Variants in NAF1 observed in about 807,000 individuals in gnomAD.
NAF1 encodes the protein nuclear assembly factor 1 ribonucleoprotein.
Under a neutral mutation model 40.6 loss-of-function variants are expected in NAF1, and 11 were observed. The observed-to-expected ratio is 0.27, with a 90% CI of 0.17 to 0.45. The LOEUF is 0.45. Among genes scored for constraint, NAF1 ranks in the 20% least tolerant of loss-of-function variants. The probability of loss-of-function intolerance (pLI) is 1.00; values close to 1 mark genes in which losing one functional copy is unlikely to be tolerated. For synonymous variants in NAF1, 260 were observed against 228.5 expected (o/e 1.14, Z -1.24); for missense variants, 607 against 611.1 (o/e 0.99, Z 0.07).
intron 6 of NAF1, 129 bp from the exon 7 acceptor site, chr4:163,133,385 T>C (rs1730943823): frequency 8.1e-6 from 5 of 614,564 alleles, no homozygotes; most frequent in Non-Finnish European, 1.4e-5. Context: ...TTTTTGATAC[T>C]TAATATTTTC....
At position 163,156,465 on chromosome 4, in the gene NAF1, T is replaced by G. The variant is rs189517576; in HGVS notation, c.540+7752A>C. 2.2e-3 allele frequency among the ~76,000 whole-genome samples: 337 copies of G among 151,452 alleles called. 1 individual carries two copies. The highest frequency in any genetic ancestry group is 6.2e-3 in the African/African-American group (255 of 41,400). ...AGTAGATAGGAAAGACTTTTTGTTT[T>G]GTTTACTCAATATTAGATACAAATT... On this transcript the variant is annotated intron_variant, in intron 2 of 7. Coordinates refer to ENST00000274054, the MANE Select transcript of NAF1 (RefSeq NM_138386.3).
At chr4:163,112,407 T>C (rs1318837637) in intron 2 of NAF1, among the ~76,000 whole-genome samples, 1 of 152,142 alleles carries the variant, frequency 6.6e-6, no homozygotes, top group Non-Finnish European at 1.5e-5. Flanking sequence ...GAAATTGGAA[T>C]ACTGAACATG....
chr4:163,118,391 C>A (rs943048195), intron 2 of NAF1, among the ~76,000 whole-genome samples: 8 of 152,196 alleles, frequency 5.3e-5, no homozygotes, highest in African/African-American at 1.9e-4. Flanking sequence ...AATATTATGA[C>A]AAGTAGAGCA....
chr4:163,153,671 T>C (rs1042776796), intron 2 of NAF1, among the ~76,000 whole-genome samples: 1 of 152,030 alleles, frequency 6.6e-6, no homozygotes, highest in African/African-American at 2.4e-5. Flanking sequence ...TGGAGAACCT[T>C]TGTATCTAGC....
downstream of NAF1, among the ~76,000 whole-genome samples, chr4:163,122,602 T>C (rs938688701): frequency 2.6e-5 from 4 of 152,250 alleles, no homozygotes; most frequent in African/African-American, 9.6e-5. Flanking sequence ...AGAAGTATCC[T>C]ACTATAGTTT....
rs1452590403 is a variant in NAF1, at chr4:163,133,225, T to C, written c.962A>G (p.Lys321Arg). The change falls in exon 7 of 8, where the codon AAG becomes AGG. Residue 321 changes from lysine to arginine, a missense_variant. By Grantham distance (26) the Lys-to-Arg change is conservative. Coordinates refer to ENST00000274054, the MANE Select transcript of NAF1 (RefSeq NM_138386.3). ...ALDFSDDEKE[K>R]EAKQRKKSQI... ...AGATTTTTTCCTCTGTTTGGCTTCCTTCTCTTTTTCATCATCACTAAAATC... is the reference window on the plus strand; with the variant it reads ...AGATTTTTTCCTCTGTTTGGCTTCCCTCTCTTTTTCATCATCACTAAAATC... The C allele has an allele frequency of 1.2e-6, 2 of 1,613,764 alleles. No homozygotes were observed. Among genetic ancestry groups the C allele is most frequent in the Non-Finnish European group, 8.5e-7 (1 of 1,179,848 alleles).
At position 163,120,124 on chromosome 4, in the gene NAF1, G is replaced by C. The variant is rs199716211; in HGVS notation, c.115-9834C>G. Among the ~76,000 whole-genome samples, 10 of 152,322 alleles carry C rather than the reference G, an allele frequency of 6.6e-5. No individual in the cohort carries two copies. The East Asian group carries it at 1.3e-3, about 21-fold the overall frequency. On this transcript the variant is annotated intron_variant, in intron 2 of 2. Coordinates refer to the NAF1 transcript ENST00000509434. ...ATGATACATAATCAAACAGACATTT[G>C]CAAGAGCTGTGGGTTGGGGGAGAGT...
At chr4:163,119,610 GA>G (rs1333977272) in intron 2 of NAF1, 1 of 152,132 alleles carries the variant, frequency 6.6e-6, no homozygotes, top group Non-Finnish European at 1.5e-5. Context: ...ACATCTCCAA[GA>G]AATGTGCACT....
At position 163,145,746 on chromosome 4, in the gene NAF1, T is replaced by G. The variant is rs143228002; in HGVS notation, c.717+36A>C. The G allele has an allele frequency of 3.5e-4, 455 of 1,316,018 alleles. No homozygotes were observed. The African/African-American group carries it at 6.3e-3, about 18-fold the overall frequency. The allele number at this position is 1,316,018 out of a possible 1,614,324, so 81.5% of individuals were successfully genotyped here. On this transcript the variant is annotated intron_variant, in intron 4 of 7. Transcript: ENST00000274054. ...AAGTCAGAAAAAAACAATAAATAAA[T>G]AGAATAATTTGTAAGATTTGAAATG...
chr4:163,149,777 A>G (rs1256068258), intron 2 of NAF1, among the ~76,000 whole-genome samples: 2 of 152,220 alleles, frequency 1.3e-5, no homozygotes, highest in African/African-American at 2.4e-5. Context: ...TTTAGTTGTT[A>G]GAACAAACTG....
At chr4:163,144,224 T>C (rs141294618) in intron 4 of NAF1, among the ~76,000 whole-genome samples, 6 of 152,292 alleles carry the variant, frequency 3.9e-5, no homozygotes, top group African/African-American at 1.4e-4. Flanking sequence ...TGTCCTCCCT[T>C]AATCAGTGGG....
In NAF1 at chr4:163,166,817, A is replaced by G; in HGVS notation, c.-90T>C. On this transcript the variant is annotated 5_prime_UTR_variant, in exon 1 of 8. Transcript: ENST00000274054. ...CCAGAAATAGAAAAACAACTTAGGC[A>G]ACCGCAGCAACACTGCCTGGGCCCA... 6.6e-7 allele frequency: 1 copy of G among 1,514,788 alleles called. No individual in the cohort carries two copies. The highest frequency in any genetic ancestry group is 8.8e-7 in the Non-Finnish European group (1 of 1,130,620). The allele number at this position is 1,514,788 out of a possible 1,614,324, so 93.8% of individuals were successfully genotyped here.
chr4:163,165,785 G>A (rs760949008), intron 1 of NAF1, among the ~76,000 whole-genome samples: 7 of 152,116 alleles, frequency 4.6e-5, no homozygotes, highest in Non-Finnish European at 1.0e-4. Context: ...GGGGCAAGGG[G>A]GAAAGGCTCT....
downstream of NAF1, chr4:163,126,884 G>A: frequency 4.2e-6 from 6 of 1,443,442 alleles, no homozygotes; most frequent in South Asian, 1.5e-5. Context: ...CTAAAAGACT[G>A]TAACTCACTG....
At chr4:163,130,208 T>C (rs1177815850) in intron 7 of NAF1, among the ~76,000 whole-genome samples, 2 of 151,558 alleles carry the variant, frequency 1.3e-5, no homozygotes, top group African/African-American at 4.9e-5. Flanking sequence ...TAAAAGAAAA[T>C]TGCTCATCAC....
At chr4:163,135,718 G>A (rs1239680267) in intron 6 of NAF1, 1 of 152,252 alleles carries the variant, frequency 6.6e-6, no homozygotes, top group African/African-American at 2.4e-5. Context: ...TGAACCCGGA[G>A]GCAGAGTTTG....
chr4:163,145,745 A>G, intron 4 of NAF1, 37 bp downstream of exon 4: 1 of 1,312,518 alleles, frequency 7.6e-7, no homozygotes, highest in Non-Finnish European at 1.1e-6. Context: ...CAATAAATAA[A>G]TAGAATAATT....
At chr4:163,157,948 A>G (rs1484674876) in intron 2 of NAF1, among the ~76,000 whole-genome samples, 1 of 152,124 alleles carries the variant, frequency 6.6e-6, no homozygotes, top group East Asian at 1.9e-4. Context: ...CTTTTCAAGC[A>G]TTTGTGAAGG....
intron 2 of NAF1, chr4:163,119,751 C>T (rs757355417): frequency 2.0e-5 from 3 of 152,094 alleles, no homozygotes; most frequent in Non-Finnish European, 2.9e-5. Flanking sequence ...TATATTAGAT[C>T]GGACTAATAA....
Sources: gnomAD v4.1 joint callset for allele counts (sites outside exome capture counted in the v4.1 genomes callset) on GRCh38, gnomAD v4.1.1 for gene constraint, MANE v1.5 for transcripts, NCBI Gene and HGNC (gene_info 2026-07-23, HGNC 2026-07-21) for gene names.